Variants in EPHA7 observed in about 807,000 individuals in gnomAD.
The protein encoded by EPHA7 is EPH receptor A7.
In EPHA7, 25 loss-of-function variants were observed where a neutral mutation model predicts 112.6. The ratio of observed to expected loss-of-function variants is 0.22; its 90% confidence interval spans 0.16 to 0.31. EPHA7 has a LOEUF of 0.31. EPHA7 is among the 10% of genes least tolerant of loss of function. The probability of loss-of-function intolerance (pLI) is 1.00; values close to 1 mark genes in which losing one functional copy is unlikely to be tolerated. For synonymous variants in EPHA7, 437 were observed against 406.5 expected (o/e 1.07, Z -0.90); for missense variants, 962 against 1,212.6 (o/e 0.79, Z 3.07).
intron 5 of EPHA7, among the ~76,000 whole-genome samples, chr6:93,278,714 T>TTTG (rs1032628253): frequency 6.6e-6 from 1 of 151,930 alleles, no homozygotes; most frequent in Non-Finnish European, 1.5e-5. Context: ...GCTGTTTTTT[T>TTTG]TTGTTGTTGT....
chr6:93,272,439 T>C lies in EPHA7; in HGVS notation c.1325-17A>G. On this transcript the variant is annotated splice_polypyrimidine_tract_variant and intron_variant, in intron 5 of 16. Transcript: ENST00000369303. Reference sequence around the variant, plus strand: ...GCGAGGGAGCTGTTTGGACAAGATGTGTCAATAAACAATGAGAAAATTCAC... The same window carrying C: ...GCGAGGGAGCTGTTTGGACAAGATGCGTCAATAAACAATGAGAAAATTCAC... 1 of 1,610,902 alleles carries C rather than the reference T, an allele frequency of 6.2e-7. No individual in the cohort carries two copies. Among genetic ancestry groups the C allele is most frequent in the South Asian group, 1.1e-5 (1 of 91,044 alleles).
chr6:93,388,345 G>A (rs889996764), intron 3 of EPHA7, among the ~76,000 whole-genome samples: 3 of 152,114 alleles, frequency 2.0e-5, no homozygotes, highest in African/African-American at 7.2e-5. Context: ...CACCCTGGAA[G>A]AGAATCCCTA....
rs151260953 is a variant in EPHA7 at position 93,249,748 on chromosome 6, C to A, written c.2533-2763G>T. ...GAGTGATCTTTCCTTTTTTCTTTCC[C>A]TCCAAATAATGTTTTAAAATGTAAA... On this transcript the variant is annotated intron_variant, in intron 14 of 16. Coordinates refer to ENST00000369303, the MANE Select transcript of EPHA7 (RefSeq NM_004440.4). Among the ~76,000 whole-genome samples the A allele has an allele frequency of 2.9e-4, 44 of 152,158 alleles. 1 individual carries two copies. In the East Asian group the frequency reaches 7.5e-3, roughly 26 times the overall value.
chr6:93,368,423 A>G (rs1776620478), intron 3 of EPHA7, among the ~76,000 whole-genome samples: 1 of 152,052 alleles, frequency 6.6e-6, no homozygotes, highest in Admixed American at 6.6e-5. Flanking sequence ...TAAACTGGAG[A>G]GCTATCTGTG....
chr6:93,396,083 T>A (rs1242454927), intron 3 of EPHA7, among the ~76,000 whole-genome samples: 1 of 151,892 alleles, frequency 6.6e-6, no homozygotes, highest in Non-Finnish European at 1.5e-5. Context: ...CAGGCAAACA[T>A]CATGTCAGCA....
chr6:93,403,402 A>C (rs970915676), intron 3 of EPHA7, among the ~76,000 whole-genome samples: 3 of 151,922 alleles, frequency 2.0e-5, no homozygotes, highest in African/African-American at 4.8e-5. Flanking sequence ...AAAAAATAGA[A>C]TCTTTAAGAG....
Position 93,410,850 on chromosome 6 carries a change from A to T in EPHA7, c.483T>A (p.Gly161=), listed in dbSNP as rs1203476614. ...CAGTGTTAAGCTTCATCTTTCTTTC[A>T]CCAAGGTCACCTTGGGTAAAACTTT... is the stretch of plus-strand genomic sequence containing the variant. ...ADESFTQGDL[G]ERKMKLNTEV... is the part of the protein sequence containing the mutation. The change falls in exon 3 of 17, where the codon GGT becomes GGA. Residue 161 remains glycine (G), a synonymous_variant. Coordinates refer to ENST00000369303, the MANE Select transcript of EPHA7 (RefSeq NM_004440.4). The surrounding 1 kb of genome is among the most constrained non-coding windows in gnomAD (Gnocchi z 4.0). 2 of 1,613,876 alleles carry T rather than the reference A, an allele frequency of 1.2e-6. No individual in the cohort carries two copies. Among genetic ancestry groups the T allele is most frequent in the Non-Finnish European group, 8.5e-7 (1 of 1,179,968 alleles).
chr6:93,352,335 C>T (rs1021294314), intron 5 of EPHA7, among the ~76,000 whole-genome samples: 16 of 152,166 alleles, frequency 1.1e-4, no homozygotes, highest in Admixed American at 2.0e-4. Context: ...TTCTGTGCTA[C>T]GATACTTAGT....
Position 93,241,433 on chromosome 6 carries a change from A to G in EPHA7, c.*1993T>C, listed in dbSNP as rs1427289113. 2 of 213,662 alleles carry G rather than the reference A, an allele frequency of 9.4e-6. No individual in the cohort carries two copies. The highest frequency in any genetic ancestry group is 5.9e-5 in the Admixed American group (1 of 17,048). 13.2% of individuals were successfully genotyped at this position (213,662 alleles called of 1,614,324 possible). Reference sequence around the variant, plus strand: ...CAAGCACATTGTGTTATAGTTCCAAAAATATATTTACAGTCTATTACAAAG... The same window carrying G: ...CAAGCACATTGTGTTATAGTTCCAAGAATATATTTACAGTCTATTACAAAG... On this transcript the variant is annotated 3_prime_UTR_variant, in exon 17 of 17. Transcript: ENST00000369303.
chr6:93,309,804 T>G (rs1384646240), intron 5 of EPHA7, among the ~76,000 whole-genome samples: 2 of 152,202 alleles, frequency 1.3e-5, no homozygotes, highest in Non-Finnish European at 2.9e-5. Flanking sequence ...ACTTCTGATG[T>G]TAAAGGCCAT....
chr6:93,286,949 T>C (rs1772096112), intron 5 of EPHA7, among the ~76,000 whole-genome samples: 1 of 152,166 alleles, frequency 6.6e-6, no homozygotes, highest in African/African-American at 2.4e-5. Context: ...AATATAGTAC[T>C]TTTTAAAAGA....
At chr6:93,278,230 T>C (rs1256326005) in intron 5 of EPHA7, among the ~76,000 whole-genome samples, 2 of 152,086 alleles carry the variant, frequency 1.3e-5, no homozygotes, top group African/African-American at 4.8e-5. Flanking sequence ...CTGTTGGTCA[T>C]TGTTGCTAAA....
chr6:93,418,086 A>G lies in EPHA7; in HGVS notation c.97+1159T>C, dbSNP rs538213905. Among the ~76,000 whole-genome samples the G allele has an allele frequency of 3.3e-5, 5 of 152,112 alleles. No individual in the cohort carries two copies. The South Asian group carries it at 1.0e-3, about 32-fold the overall frequency. On this transcript the variant is annotated intron_variant, in intron 1 of 16. Coordinates refer to ENST00000369303, the MANE Select transcript of EPHA7 (RefSeq NM_004440.4). Reference sequence around the variant, plus strand: ...GATTCCTCTCCCTCTACACATCAGGAATAAGTAATTATTTCTCTTCTGCTT... The same window carrying G: ...GATTCCTCTCCCTCTACACATCAGGGATAAGTAATTATTTCTCTTCTGCTT...
chr6:93,383,327 G>A (rs1777442182), intron 3 of EPHA7, among the ~76,000 whole-genome samples: 1 of 151,426 alleles, frequency 6.6e-6, no homozygotes, highest in South Asian at 2.1e-4. Context: ...CATTTTGTGT[G>A]TGTGTGTGTG....
rs367646826 is a variant in EPHA7 at position 93,258,276 on chromosome 6, C to T, written c.1933G>A (p.Gly645Ser). The part of the protein sequence containing the change: ...IERVIGAGEF[G>S]EVCSGRLKLP... Reference sequence around the variant, plus strand: ...TTCAAACGGCCACTGCAGACTTCACCGAATTCTCCTGAAGTAACAGAACAA... The same window carrying T: ...TTCAAACGGCCACTGCAGACTTCACTGAATTCTCCTGAAGTAACAGAACAA... Residue 645 changes from glycine (G) to serine (S), a missense_variant, in exon 11 of 17, where the codon GGT becomes AGT. Physicochemically the swap from Gly to Ser is moderately conservative, Grantham distance 56. Transcript: ENST00000369303. 1.1e-5 allele frequency: 18 copies of T among 1,589,030 alleles called. No individual in the cohort carries two copies. The highest frequency in any genetic ancestry group is 9.3e-5 in the South Asian group (8 of 86,088).
chr6:93,399,032 G>A (rs1778313437), intron 3 of EPHA7, among the ~76,000 whole-genome samples: 1 of 152,076 alleles, frequency 6.6e-6, no homozygotes, highest in African/African-American at 2.4e-5. Context: ...TTGAGAAACA[G>A]ATATTGCAGA....
chr6:93,298,532 T>C (rs1225480392), intron 5 of EPHA7, among the ~76,000 whole-genome samples: 3 of 152,132 alleles, frequency 2.0e-5, no homozygotes, highest in African/African-American at 7.2e-5. Flanking sequence ...TTCACAGCCA[T>C]ATTTGATGAA....
At chr6:93,295,505 A>G (rs1772614285) in intron 5 of EPHA7, among the ~76,000 whole-genome samples, 1 of 151,298 alleles carries the variant, frequency 6.6e-6, no homozygotes, top group Non-Finnish European at 1.5e-5. Context: ...ATATTTCTTT[A>G]TCTAATTATA....
At chr6:93,253,704 C>G (rs1468770689) in intron 14 of EPHA7, among the ~76,000 whole-genome samples, 1 of 152,074 alleles carries the variant, frequency 6.6e-6, no homozygotes, top group African/African-American at 2.4e-5. Flanking sequence ...CACCTCTAAA[C>G]CTTAACTTCT....
Sources: allele counts gnomAD v4.1 joint callset (sites outside exome capture counted in the v4.1 genomes callset), GRCh38; gene constraint gnomAD v4.1.1; non-coding constraint Gnocchi (gnomAD v3.1); transcripts MANE v1.5; gene names NCBI Gene and HGNC (gene_info 2026-07-23, HGNC 2026-07-21).